MCM9: variants seen among roughly 807,000 people sequenced by gnomAD.
The protein encoded by MCM9 is DNA helicase MCM9.
MCM9 carries 55 observed loss-of-function variants against 72.8 expected under a neutral mutation model. The observed-to-expected ratio is 0.76, with a 90% CI of 0.61 to 0.95. The LOEUF is 0.95. Ranked by LOEUF, MCM9 falls within the 40% of genes least tolerant of loss-of-function variation. The pLI is 0.00. For missense variants in MCM9, 1,279 were observed against 1,377.0 expected, an observed-to-expected ratio of 0.93 and a Z score of 1.13; for synonymous variants, 480 against 503.4, an observed-to-expected ratio of 0.95 and a Z score of 0.62.
chr6:118,909,591 T>A (rs1245004767), intron 8 of MCM9, among the ~76,000 whole-genome samples: 2 of 152,212 alleles, frequency 1.3e-5, no homozygotes, highest in Non-Finnish European at 2.9e-5. Context: ...AATATAAACA[T>A]GAACCAATGA....
chr6:118,820,300 C>T (rs1017754547), intron 13 of MCM9, among the ~76,000 whole-genome samples: 2 of 152,080 alleles, frequency 1.3e-5, no homozygotes, highest in Admixed American at 6.6e-5. Flanking sequence ...TAGCTGTGTC[C>T]CAGAGATTCT....
chr6:118,918,647 G>T (rs1359580991), intron 5 of MCM9: 1 of 152,086 alleles, frequency 6.6e-6, no homozygotes, highest in African/African-American at 2.4e-5. Flanking sequence ...CATAATCCTG[G>T]TCCCCCCAAA....
intron 9 of MCM9, among the ~76,000 whole-genome samples, chr6:118,831,159 C>A (rs936625480): frequency 1.1e-4 from 17 of 151,960 alleles, no homozygotes; most frequent in South Asian, 4.1e-4. Flanking sequence ...TTGAAACCAG[C>A]CTAGTCAACA....
At chr6:118,872,689 T>C (rs534994200) in intron 8 of MCM9, among the ~76,000 whole-genome samples, 49 of 151,858 alleles carry the variant, frequency 3.2e-4, no homozygotes, top group Non-Finnish European at 6.5e-4. Context: ...ACACAACTTA[T>C]CAAAAGTTGT....
At chr6:118,911,440 G>A in intron 8 of MCM9, 3 of 1,292,976 alleles carry the variant, frequency 2.3e-6, no homozygotes, top group Non-Finnish European at 2.9e-6. Context: ...GAATAGGATT[G>A]TTCAAAACTA....
At chr6:118,886,974 A>T (rs1177623800) in intron 8 of MCM9, among the ~76,000 whole-genome samples, 1 of 152,162 alleles carries the variant, frequency 6.6e-6, no homozygotes, top group African/African-American at 2.4e-5. Context: ...CAAAAAAAGA[A>T]AGAAGGAAAA....
At chr6:118,912,850 T>C (rs1780650110) in intron 7 of MCM9, 1 of 156,994 alleles carries the variant, frequency 6.4e-6, no homozygotes, top group African/African-American at 2.4e-5. Context: ...GCACATTTGC[T>C]ATCTACCAGC....
intron 9 of MCM9, among the ~76,000 whole-genome samples, chr6:118,833,398 G>A (rs1288083394): frequency 6.6e-6 from 1 of 152,120 alleles, no homozygotes; most frequent in Non-Finnish European, 1.5e-5. Flanking sequence ...TTTCTCAGTT[G>A]TATAAAGTCA....
chr6:118,919,715 G>A (rs1421715959), intron 5 of MCM9: 1 of 152,098 alleles, frequency 6.6e-6, no homozygotes, highest in East Asian at 1.9e-4. Flanking sequence ...GTTATTTTCA[G>A]GAAGCTAAAA....
At chr6:118,894,614 T>C (rs1779216322) in intron 8 of MCM9, 1 of 1,144,162 alleles carries the variant, frequency 8.7e-7, no homozygotes, top group Non-Finnish European at 1.3e-6. Context: ...GCGGCTGTGT[T>C]CGGCGCCTGG....
At chr6:118,925,841 A>C (rs182553972) in intron 3 of MCM9, among the ~76,000 whole-genome samples, 1 of 152,320 alleles carries the variant, frequency 6.6e-6, no homozygotes, top group East Asian at 1.9e-4. Flanking sequence ...TATATATTGT[A>C]ATACATCTTA....
chr6:118,915,087 T>G (rs1780833547), intron 6 of MCM9, among the ~76,000 whole-genome samples: 2 of 152,246 alleles, frequency 1.3e-5, no homozygotes, highest in African/African-American at 4.8e-5. Flanking sequence ...GATCTAAAGA[T>G]TTCCTCACAC....
chr6:118,827,494 A>G (rs916734264), intron 11 of MCM9, among the ~76,000 whole-genome samples: 2 of 152,240 alleles, frequency 1.3e-5, no homozygotes, highest in Admixed American at 1.3e-4. Context: ...GGGGCAGGGC[A>G]TGGCATTGTC....
At chr6:118,923,073 A>C (rs1781571720) in intron 4 of MCM9, among the ~76,000 whole-genome samples, 1 of 151,770 alleles carries the variant, frequency 6.6e-6, no homozygotes, top group Admixed American at 6.6e-5. Context: ...GAATGGTTGA[A>C]TAGAAAGACA....
intron 12 of MCM9, 62 bp downstream of exon 12, chr6:118,826,720 C>CT (rs1774191527): frequency 3.9e-6 from 5 of 1,288,630 alleles, no homozygotes; most frequent in Middle Eastern, 1.9e-4. Context: ...ATAAAGTGTC[C>CT]TTTTTTAAAA....
chr6:118,915,803 C>T (rs1393752842), intron 6 of MCM9, among the ~76,000 whole-genome samples: 1 of 152,214 alleles, frequency 6.6e-6, no homozygotes, highest in East Asian at 1.9e-4. Context: ...TATCTTCCTA[C>T]TTATATTTCT....
chr6:118,814,950 T>C lies in MCM9; in HGVS notation c.3306A>G (p.Lys1102=). ...CGGTGGACCCACGGAGCTGAAAAGATTTCCTTTTACTGACACGCATTGGAG... is the reference window on the plus strand; with the variant it reads ...CGGTGGACCCACGGAGCTGAAAAGACTTCCTTTTACTGACACGCATTGGAG... The part of the protein sequence containing the change: ...TTAPMRVSKR[K]SFQLRGSTEK... The change falls in exon 14 of 14, where the codon AAA becomes AAG. Residue 1102 remains lysine, a synonymous_variant. Transcript: ENST00000619706. 2 of 1,550,320 alleles carry C rather than the reference T, an allele frequency of 1.3e-6. No individual in the cohort carries two copies. The highest frequency in any genetic ancestry group is 1.2e-5 in the South Asian group (1 of 84,014).
chr6:118,863,551 C>A lies in MCM9; in HGVS notation c.1151-7006G>T, dbSNP rs143449313. Among the ~76,000 whole-genome samples the A allele has an allele frequency of 7.5e-3, 1,145 of 152,214 alleles. 8 individuals carry two copies. The highest frequency in any genetic ancestry group is 0.028 in the South Asian group (137 of 4,816). ...CATGTTATGGTCTGAATGTTTGTCCCCCTGGCCCTAAAGCTCATATTAAAT... is the reference window on the plus strand; with the variant it reads ...CATGTTATGGTCTGAATGTTTGTCCACCTGGCCCTAAAGCTCATATTAAAT... On this transcript the variant is annotated intron_variant, in intron 8 of 13. Coordinates refer to ENST00000619706, the MANE Select transcript of MCM9 (RefSeq NM_017696.3).
At position 118,815,677 on chromosome 6, in the gene MCM9, C is replaced by G. The variant is rs1376047780; in HGVS notation, c.2579G>C (p.Cys860Ser). The change falls in exon 14 of 14, where the codon TGC (cysteine) becomes TCC (serine). Residue 860 changes from cysteine (C) to serine (S), a missense_variant. Physicochemically the swap from Cys to Ser is moderately radical, Grantham distance 112. Coordinates refer to ENST00000619706, the MANE Select transcript of MCM9 (RefSeq NM_017696.3). ...TGCAGGCACCCTGGTGCTATTTCTG[C>G]ACAACTTCTGGGCCCTCTCTTTGCA... ...KLCKERAQKL[C>S]RNSTRVPAQC... 6 of 1,549,094 alleles carry G rather than the reference C, an allele frequency of 3.9e-6. No individual in the cohort carries two copies. Among genetic ancestry groups the G allele is most frequent in the Non-Finnish European group, 5.2e-6 (6 of 1,146,660 alleles).
Sources: allele counts gnomAD v4.1 joint callset (sites outside exome capture counted in the v4.1 genomes callset), GRCh38; gene constraint gnomAD v4.1.1; transcripts MANE v1.5; gene names NCBI Gene and HGNC (gene_info 2026-07-23, HGNC 2026-07-21).